Variants in CEP192 observed in about 807,000 individuals in gnomAD.
CEP192 encodes centrosomal protein of 192 kDa.
In CEP192, 151 loss-of-function variants were observed where a neutral mutation model predicts 271.8. The observed-to-expected ratio is 0.56, with a 90% confidence interval of 0.49 to 0.64. The LOEUF is 0.64. CEP192 is among the 30% of genes least tolerant of loss of function. CEP192 has a pLI of 0.00. For missense variants in CEP192, 2,910 were observed against 3,020.5 expected, an observed-to-expected ratio of 0.96 and a Z score of 0.86; for synonymous variants, 995 against 1,076.5, an observed-to-expected ratio of 0.92 and a Z score of 1.48.
At chr18:13,057,064 T>C (rs1032591948) in intron 19 of CEP192, among the ~76,000 whole-genome samples, 1 of 152,184 alleles carries the variant, frequency 6.6e-6, no homozygotes, top group Non-Finnish European at 1.5e-5. Flanking sequence ...GGCAGCACTC[T>C]CGGGTGCATT....
rs2038458247 is a variant in CEP192 at position 13,079,244 on chromosome 18, TC to T, written c.5616+6062del. Among the ~76,000 whole-genome samples, 5 of 152,208 alleles carry T rather than the reference TC, an allele frequency of 3.3e-5. No homozygotes were observed. The South Asian group carries it at 1.0e-3, about 31-fold the overall frequency. On this transcript the variant is annotated intron_variant, in intron 30 of 44. Coordinates refer to ENST00000506447, the MANE Select transcript of CEP192 (RefSeq NM_032142.4). ...CCACAATGATTGAACTAGTTTACACTCCCACCAACAGTGTAAAAGTTTTCCT... is the reference window on the plus strand; with the variant it reads ...CCACAATGATTGAACTAGTTTACACTCCACCAACAGTGTAAAAGTTTTCCT...
chr18:12,992,588 G>T (rs995943652), intron 1 of CEP192, among the ~76,000 whole-genome samples: 3 of 152,088 alleles, frequency 2.0e-5, no homozygotes, highest in South Asian at 2.1e-4. Context: ...TGGAGGAGGG[G>T]TGGGTAATGC....
chr18:13,089,736 A>C (rs2039056008), intron 33 of CEP192, among the ~76,000 whole-genome samples, 171 bp downstream of exon 33: 1 of 152,240 alleles, frequency 6.6e-6, no homozygotes, highest in South Asian at 2.1e-4. Flanking sequence ...ATTGAATGTC[A>C]GTTTCCTTAT....
chr18:13,022,068 TG>T (rs2035026015), intron 9 of CEP192, among the ~76,000 whole-genome samples: 1 of 152,078 alleles, frequency 6.6e-6, no homozygotes, highest in Non-Finnish European at 1.5e-5. Context: ...ATGTCTTTTT[TG>T]AGATTCATTT....
intron 9 of CEP192, among the ~76,000 whole-genome samples, chr18:13,022,213 TCTG>T (rs1213638910): frequency 6.6e-6 from 1 of 152,092 alleles, no homozygotes; most frequent in African/African-American, 2.4e-5. Flanking sequence ...GAATCTCTAT[TCTG>T]CTGATCTGTT....
At position 13,030,554 on chromosome 18, in the gene CEP192, C is replaced by A; in HGVS notation, c.1480C>A (p.Gln494Lys). 6.2e-7 allele frequency: 1 copy of A among 1,612,260 alleles called. No individual in the cohort carries two copies. The highest frequency in any genetic ancestry group is 8.5e-7 in the Non-Finnish European group (1 of 1,178,666). Residue 494 changes from glutamine (Q) to lysine (K), a missense_variant, in exon 11 of 45, where the codon CAA becomes AAA. Physicochemically the swap from Gln to Lys is moderately conservative, Grantham distance 53. Transcript: ENST00000506447. Reference protein sequence around the residue: ...LAYYTSFNSKQNLNVSLSDEM... With the variant: ...LAYYTSFNSKKNLNVSLSDEM... ...CTATTACACATCTTTTAATAGCAAA[C>A]AAAATTTAAATGTGTCTCTAAGTGA...
chr18:13,078,883 G>A (rs1221509183), intron 30 of CEP192, among the ~76,000 whole-genome samples: 4 of 152,074 alleles, frequency 2.6e-5, no homozygotes, highest in African/African-American at 9.7e-5. Context: ...GAGAACATGC[G>A]GTGTTTGGTT....
rs1325920213 is a variant in CEP192, at chr18:13,056,065, C to G, written c.3475C>G (p.Pro1159Ala). Residue 1159 changes from proline (P) to alanine (A), a missense_variant, in exon 19 of 45, where the codon CCT (proline) becomes GCT (alanine). Coordinates refer to ENST00000506447, the MANE Select transcript of CEP192 (RefSeq NM_032142.4). Reference sequence around the variant, plus strand: ...CAGTGAGGTAGGTTGGACATCAAACCCTGAGGAATTGGACCCGATCAGGCT... The same window carrying G: ...CAGTGAGGTAGGTTGGACATCAAACGCTGAGGAATTGGACCCGATCAGGCT... ...ETSEVGWTSN[P>A]EELDPIRLAL... is the part of the protein sequence containing the mutation. 1 of 1,613,942 alleles carries G rather than the reference C, an allele frequency of 6.2e-7. No homozygotes were observed. Among genetic ancestry groups the G allele is most frequent in the Non-Finnish European group, 8.5e-7 (1 of 1,180,002 alleles).
chr18:13,008,008 T>C (rs933361977), intron 3 of CEP192, among the ~76,000 whole-genome samples: 3 of 151,886 alleles, frequency 2.0e-5, no homozygotes, highest in African/African-American at 7.3e-5. Flanking sequence ...ACAGCAGAGG[T>C]AGAAAGAAAG....
Position 13,109,674 on chromosome 18 carries a change from TAAATC to T in CEP192, c.7048-3911_7048-3907del, listed in dbSNP as rs569205064. 6.3e-3 allele frequency among the ~76,000 whole-genome samples: 961 copies of T among 151,872 alleles called. 5 individuals are homozygous for T. Among genetic ancestry groups the T allele is most frequent in the Middle Eastern group, 0.01 (3 of 294 alleles). On this transcript the variant is annotated intron_variant, in intron 40 of 44. Transcript: ENST00000506447. Reference sequence around the variant, plus strand: ...GTCATTTGAAGAATGGTGAAAATAATAAATCCAAAGAAAGAAGAAAAAAAAGTTCT... The same window carrying T: ...GTCATTTGAAGAATGGTGAAAATAATCAAAGAAAGAAGAAAAAAAAGTTCT...
rs542396502 is a variant in CEP192, at chr18:13,117,139, C to T, written c.7417-446C>T. Among the ~76,000 whole-genome samples the T allele has an allele frequency of 8.6e-5, 13 of 151,958 alleles. No individual in the cohort carries two copies. The South Asian group carries it at 1.9e-3, about 22-fold the overall frequency. On this transcript the variant is annotated intron_variant, in intron 43 of 44. Coordinates refer to ENST00000506447, the MANE Select transcript of CEP192 (RefSeq NM_032142.4). ...CTTGTGGGGGCTGAGCTGAGAGGATCGCTTTAGGCTGGGAGGTTGAGGCTG... is the reference window on the plus strand; with the variant it reads ...CTTGTGGGGGCTGAGCTGAGAGGATTGCTTTAGGCTGGGAGGTTGAGGCTG...
rs532609875 is a variant in CEP192 at position 13,015,546 on chromosome 18, T to C, written c.640+98T>C. 4 of 1,204,234 alleles carry C rather than the reference T, an allele frequency of 3.3e-6. No homozygotes were observed. In the South Asian group the frequency reaches 5.6e-5, roughly 17 times the overall value. 74.6% of individuals were successfully genotyped at this position (1,204,234 alleles called of 1,614,324 possible). A position where few individuals can be genotyped will look rare whatever the true frequency, so the allele number is the denominator to read the frequency against. On this transcript the variant is annotated intron_variant, in intron 6 of 44. Coordinates refer to ENST00000506447, the MANE Select transcript of CEP192 (RefSeq NM_032142.4). ...TTATGATGCCAACTTTTTGGGTTTT[T>C]TGTCCTTACCTTTTCTTCCTACCTG...
intron 27 of CEP192, among the ~76,000 whole-genome samples, chr18:13,070,152 G>A (rs1019998564): frequency 4.1e-5 from 6 of 146,988 alleles, no homozygotes; most frequent in African/African-American, 7.5e-5. Flanking sequence ...CAGAGAGTCC[G>A]TCTCAAAAAA....
chr18:13,037,218 A>G lies in CEP192; in HGVS notation c.1535-19A>G, dbSNP rs980959936. ...TTAGGCATTAGTGTAATGTATTTAT[A>G]TAAACATTCTTTTTTAAGCTGAAGC... On this transcript the variant is annotated intron_variant, in intron 11 of 44. Coordinates refer to ENST00000506447, the MANE Select transcript of CEP192 (RefSeq NM_032142.4). 22 of 1,066,654 alleles carry G rather than the reference A, an allele frequency of 2.1e-5. No homozygotes were observed. Among genetic ancestry groups the G allele is most frequent in the Non-Finnish European group, 2.7e-5 (19 of 710,672 alleles). The allele number at this position is 1,066,654 out of a possible 1,614,324, so 66.1% of individuals were successfully genotyped here.
At position 13,087,204 on chromosome 18, in the gene CEP192, A is replaced by C; in HGVS notation, c.5804A>C (p.Lys1935Thr). ...VKAVGFKDSQ[K>T]KVLLDPKVLR... ...GCAGTAGGTTTTAAGGATTCTCAGA[A>C]AAAAGTTTTGCTGGATCCTAAAGTA... is the stretch of plus-strand genomic sequence containing the variant. Residue 1935 changes from lysine (K) to threonine (T), a missense_variant, in exon 31 of 45, where the codon AAA (lysine) becomes ACA (threonine). By Grantham distance (78) the Lys-to-Thr change is moderately conservative (BLOSUM62 -1). Coordinates refer to ENST00000506447, the MANE Select transcript of CEP192 (RefSeq NM_032142.4). The C allele has an allele frequency of 6.2e-7, 1 of 1,613,954 alleles. No individual in the cohort carries two copies. Among genetic ancestry groups the C allele is most frequent in the Non-Finnish European group, 8.5e-7 (1 of 1,179,840 alleles).
intron 1 of CEP192, 21 bp from the exon 2 acceptor site, chr18:12,999,400 G>T: frequency 6.7e-7 from 1 of 1,489,512 alleles, no homozygotes; most frequent in Non-Finnish European, 9.0e-7. Context: ...GTGACCTATA[G>T]AAATACTTTT....
At chr18:13,026,618 T>C (rs2035316782) in intron 9 of CEP192, among the ~76,000 whole-genome samples, 2 of 152,218 alleles carry the variant, frequency 1.3e-5, no homozygotes, top group African/African-American at 2.4e-5. Context: ...TAGAAGTCCA[T>C]TGGCATATCC....
chr18:13,024,793 C>T (rs11664213), intron 9 of CEP192, among the ~76,000 whole-genome samples: 49,044 of 149,052 alleles, frequency 0.33, 8,206 homozygotes, highest in Admixed American at 0.41. Flanking sequence ...TTTTTGAGAC[C>T]GAGTCTCGCT....
chr18:13,071,784 A>G (rs2038027632), intron 28 of CEP192, among the ~76,000 whole-genome samples: 1 of 152,140 alleles, frequency 6.6e-6, no homozygotes, highest in Non-Finnish European at 1.5e-5. Context: ...TCTGGAAGAA[A>G]CATCTCTCAG....
Sources: allele counts gnomAD v4.1 joint callset (sites outside exome capture counted in the v4.1 genomes callset), GRCh38; gene constraint gnomAD v4.1.1; transcripts MANE v1.5; gene names NCBI Gene and HGNC (gene_info 2026-07-23, HGNC 2026-07-21).